Variants in LDLRAD3 observed in about 807,000 individuals in gnomAD.
The protein encoded by LDLRAD3 is low density lipoprotein receptor class A domain containing 3.
Under a neutral mutation model 29.4 loss-of-function variants are expected in LDLRAD3, and 20 were observed. That is an observed-to-expected ratio of 0.68 (90% CI 0.48 to 0.99). The LOEUF is 0.99. LDLRAD3 is among the 50% of genes least tolerant of loss of function. The pLI is 0.00. For missense variants in LDLRAD3, 420 were observed against 454.3 expected (o/e 0.92, Z 0.69); for synonymous variants, 157 against 192.7 (o/e 0.81, Z 1.53).
chr11:36,223,728 TATTAAAC>T (rs1452377237), intron 4 of LDLRAD3, among the ~76,000 whole-genome samples: 1 of 138,288 alleles, frequency 7.2e-6, no homozygotes, highest in East Asian at 2.1e-4. Flanking sequence ...AAAAAATACA[TATTAAAC>T]ATTAAAAAGG....
At chr11:36,162,896 CAG>C (rs1303468551) in intron 4 of LDLRAD3, among the ~76,000 whole-genome samples, 1 of 152,188 alleles carries the variant, frequency 6.6e-6, no homozygotes, top group Non-Finnish European at 1.5e-5. Context: ...AAGGGGGAAA[CAG>C]GGTTGTCGTT....
rs12793749 is a variant in LDLRAD3 at position 36,229,806 on chromosome 11, T to A, written c.*409T>A. Reference sequence around the variant, plus strand: ...CTGCTGGGTAGTTACCTTATAGCATTTGGGGATTTGGGTTAGATGATCTAA... The same window carrying A: ...CTGCTGGGTAGTTACCTTATAGCATATGGGGATTTGGGTTAGATGATCTAA... On this transcript the variant is annotated 3_prime_UTR_variant, in exon 6 of 6. Transcript: ENST00000315571. 0.033 allele frequency: 5,363 copies of A among 164,722 alleles called. 307 individuals carry two copies. Among genetic ancestry groups the A allele is most frequent in the African/African-American group, 0.11 (4,819 of 42,100 alleles). The allele number at this position is 164,722 out of a possible 1,614,324, so 10.2% of individuals were successfully genotyped here.
intron 2 of LDLRAD3, among the ~76,000 whole-genome samples, chr11:36,043,193 T>A (rs1212202911): frequency 6.6e-6 from 1 of 152,168 alleles, no homozygotes; most frequent in Non-Finnish European, 1.5e-5. Flanking sequence ...GAGCCTGTAA[T>A]CCCAGCTACT....
At chr11:35,994,358 AAAAAAAAG>A (rs1851725869) in intron 1 of LDLRAD3, among the ~76,000 whole-genome samples, 1 of 151,376 alleles carries the variant, frequency 6.6e-6, no homozygotes, top group Non-Finnish European at 1.5e-5. Flanking sequence ...AAAAAAAAAA[AAAAAAAAG>A]TGATGTTTAC....
intron 4 of LDLRAD3, among the ~76,000 whole-genome samples, chr11:36,168,996 G>A (rs540057506): frequency 6.6e-6 from 1 of 152,248 alleles, no homozygotes; most frequent in African/African-American, 2.4e-5. Context: ...GACATATGAG[G>A]AATGACTGTA....
At position 36,227,185 on chromosome 11, in the gene LDLRAD3, G is replaced by T. The variant is rs1855511125; in HGVS notation, c.555G>T (p.Leu185=). The T allele has an allele frequency of 6.2e-7, 1 of 1,614,104 alleles. No individual in the cohort carries two copies. Among genetic ancestry groups the T allele is most frequent in the Non-Finnish European group, 8.5e-7 (1 of 1,179,992 alleles). ...TCGGCAGCTCCGTCATTTTTGTGCT[G>T]GTGGTGGCCCTGCTGGCACTGGTCT... is the stretch of plus-strand genomic sequence containing the variant. ...AIIGSSVIFV[L]VVALLALVLH... The change falls in exon 5 of 6, where the codon CTG becomes CTT. Residue 185 remains leucine (L), a synonymous_variant. Coordinates refer to ENST00000315571, the MANE Select transcript of LDLRAD3 (RefSeq NM_174902.4).
chr11:35,963,335 T>C (rs1851300713), intron 1 of LDLRAD3, among the ~76,000 whole-genome samples: 1 of 151,956 alleles, frequency 6.6e-6, no homozygotes, highest in South Asian at 2.1e-4. Flanking sequence ...ATCAAAGAAC[T>C]GAAACTCACC....
At chr11:36,015,049 C>G (rs1453740610) in intron 1 of LDLRAD3, among the ~76,000 whole-genome samples, 1 of 152,202 alleles carries the variant, frequency 6.6e-6, no homozygotes, top group Non-Finnish European at 1.5e-5. Flanking sequence ...CCCCTACTCC[C>G]TGTTCAGATT....
chr11:36,002,495 C>T (rs1220748584), intron 1 of LDLRAD3, among the ~76,000 whole-genome samples: 2 of 152,190 alleles, frequency 1.3e-5, no homozygotes, highest in African/African-American at 2.4e-5. Context: ...GAGAGGAGCA[C>T]GTGCGATCAT....
At chr11:36,106,309 C>T (rs1045192503) in intron 4 of LDLRAD3, among the ~76,000 whole-genome samples, 4 of 152,164 alleles carry the variant, frequency 2.6e-5, no homozygotes, top group Admixed American at 1.3e-4. Context: ...AGAACCCTTC[C>T]ATGTTCCTTG....
intron 2 of LDLRAD3, among the ~76,000 whole-genome samples, chr11:36,046,712 C>T (rs1852455226): frequency 6.6e-6 from 1 of 152,176 alleles, no homozygotes; most frequent in African/African-American, 2.4e-5. Flanking sequence ...CCAGCAGCTA[C>T]CACCAGAGGA....
intron 4 of LDLRAD3, among the ~76,000 whole-genome samples, chr11:36,119,535 G>GT (rs1853723717): frequency 1.3e-5 from 2 of 151,464 alleles, no homozygotes; most frequent in African/African-American, 4.8e-5. Context: ...AGCTATCCTA[G>GT]TGGTGTGAAA....
chr11:36,157,239 C>A (rs540495210), intron 4 of LDLRAD3, among the ~76,000 whole-genome samples: 1 of 152,256 alleles, frequency 6.6e-6, no homozygotes, highest in South Asian at 2.1e-4. Context: ...AGGATCTCTG[C>A]CCCCTCATGC....
rs1499514 is a variant in LDLRAD3, at chr11:36,048,243, G to C, written c.193+11994G>C. Among the ~76,000 whole-genome samples the C allele has an allele frequency of 7.2e-5, 11 of 152,202 alleles. No individual in the cohort carries two copies. In the East Asian group the frequency reaches 2.1e-3, roughly 29 times the overall value. On this transcript the variant is annotated intron_variant, in intron 2 of 5. Coordinates refer to ENST00000315571, the MANE Select transcript of LDLRAD3 (RefSeq NM_174902.4). ...GTTTACAGCACATTAGTCAAAATTA[G>C]CACCTCCTCTTCCCTGAACCATTTT...
In LDLRAD3 at chr11:35,993,353, C is replaced by A. The variant is rs142150360; in HGVS notation, c.47-42750C>A. On this transcript the variant is annotated intron_variant, in intron 1 of 5. Coordinates refer to ENST00000315571, the MANE Select transcript of LDLRAD3 (RefSeq NM_174902.4). Reference sequence around the variant, plus strand: ...GCTGGCTGCACATTTTTGCATTGAGCATAGTGTCTGACACCCTGTGCATTG... The same window carrying A: ...GCTGGCTGCACATTTTTGCATTGAGAATAGTGTCTGACACCCTGTGCATTG... Among the ~76,000 whole-genome samples the A allele has an allele frequency of 6.4e-3, 980 of 152,258 alleles. 6 individuals carry two copies. The highest frequency in any genetic ancestry group is 7.8e-3 in the Admixed American group (119 of 15,294).
chr11:36,078,413 A>G (rs1017761818), intron 2 of LDLRAD3, among the ~76,000 whole-genome samples: 4 of 152,126 alleles, frequency 2.6e-5, no homozygotes, highest in Non-Finnish European at 5.9e-5. Context: ...TCTTCACCCA[A>G]AGTCCGGAGG....
intron 3 of LDLRAD3, among the ~76,000 whole-genome samples, chr11:36,091,003 C>T (rs749977176): frequency 4.7e-4 from 71 of 152,228 alleles, no homozygotes; most frequent in Middle Eastern, 3.4e-3. Flanking sequence ...GGCTTGTTGT[C>T]GGGATGATTT....
At chr11:36,044,904 C>G (rs1161140319) in intron 2 of LDLRAD3, among the ~76,000 whole-genome samples, 2 of 152,222 alleles carry the variant, frequency 1.3e-5, no homozygotes, top group Non-Finnish European at 2.9e-5. Context: ...CAATTAAACA[C>G]CTAAGTGGAT....
intron 4 of LDLRAD3, among the ~76,000 whole-genome samples, chr11:36,179,725 G>A (rs1854729459): frequency 6.6e-6 from 1 of 152,142 alleles, no homozygotes; most frequent in Non-Finnish European, 1.5e-5. Flanking sequence ...GAGCTCGGTG[G>A]CTCATGCCTA....
Sources: allele counts gnomAD v4.1 joint callset (sites outside exome capture counted in the v4.1 genomes callset), GRCh38; gene constraint gnomAD v4.1.1; transcripts MANE v1.5; gene names NCBI Gene and HGNC (gene_info 2026-07-23, HGNC 2026-07-21).